Variants in FAM167A observed in about 807,000 individuals in gnomAD.
FAM167A encodes the protein protein FAM167A.
A neutral mutation model predicts 14.9 loss-of-function variants in FAM167A; 23 were observed. The observed-to-expected ratio is 1.55, with a 90% CI of 1.11 to 2.19. The LOEUF is 2.19. FAM167A is among the 30% of genes most tolerant of loss of function. The pLI, the probability that FAM167A is intolerant of heterozygous loss-of-function variation, is 0.00. For synonymous variants in FAM167A, 174 were observed against 117.7 expected, an observed-to-expected ratio of 1.48 and a Z score of -3.10; for missense variants, 401 against 281.5, an observed-to-expected ratio of 1.42 and a Z score of -3.04.
upstream of FAM167A, among the ~76,000 whole-genome samples, chr8:11,470,817 T>C (rs1807937764): frequency 6.6e-6 from 1 of 152,102 alleles, no homozygotes; most frequent in Non-Finnish European, 1.5e-5. Flanking sequence ...GTGAAGGGAC[T>C]TGTCCATCCG....
intron 1 of FAM167A, among the ~76,000 whole-genome samples, chr8:11,449,980 C>T (rs560703028): frequency 1.3e-5 from 2 of 152,344 alleles, no homozygotes; most frequent in East Asian, 3.9e-4. Flanking sequence ...CTGACCCATC[C>T]CCTCCACACC....
chr8:11,435,212 C>T (rs538340090), intron 2 of FAM167A: 3 of 435,830 alleles, frequency 6.9e-6, no homozygotes, highest in African/African-American at 6.0e-5. Context: ...CCCCTGTGGT[C>T]CCTTCTCCAC....
chr8:11,438,325 A>G (rs1806183759), intron 2 of FAM167A: 8 of 414,612 alleles, frequency 1.9e-5, no homozygotes, highest in South Asian at 1.4e-4. Flanking sequence ...CTCCCTGGCC[A>G]GCAGCCCCAA....
At chr8:11,457,947 G>A (rs1018630155) in intron 1 of FAM167A, among the ~76,000 whole-genome samples, 2 of 152,210 alleles carry the variant, frequency 1.3e-5, no homozygotes, top group African/African-American at 4.8e-5. Flanking sequence ...GCAGGACACT[G>A]CTGCACCTTT....
chr8:11,471,447 C>T (rs545488331), upstream of FAM167A, among the ~76,000 whole-genome samples: 8 of 152,082 alleles, frequency 5.3e-5, no homozygotes, highest in African/African-American at 1.7e-4. Context: ...GGTGATGAGG[C>T]CCCCCGCATG....
intron 1 of FAM167A, among the ~76,000 whole-genome samples, chr8:11,460,652 A>C (rs1161724034): frequency 1.3e-5 from 2 of 152,138 alleles, no homozygotes; most frequent in Admixed American, 1.3e-4. Context: ...TGCATTTGCA[A>C]ATTTTTTTCC....
chr8:11,462,080 T>C (rs1043962326), intron 1 of FAM167A, among the ~76,000 whole-genome samples: 3 of 152,228 alleles, frequency 2.0e-5, no homozygotes, highest in African/African-American at 7.2e-5. Flanking sequence ...ACATATGGCC[T>C]GAGTGCCCGC....
rs1208620174 is a variant in FAM167A, at chr8:11,422,476, G to C, written c.*1897C>G. On this transcript the variant is annotated 3_prime_UTR_variant, in exon 3 of 3. Transcript: ENST00000284486. ...GGAAAGGAATGCGTCTTCAGGACTTGGCAGTGTTTGTGCAGAGCTCTGAGG... is the reference window on the plus strand; with the variant it reads ...GGAAAGGAATGCGTCTTCAGGACTTCGCAGTGTTTGTGCAGAGCTCTGAGG... The C allele has an allele frequency of 2.0e-5, 3 of 152,540 alleles. No individual in the cohort carries two copies. Among genetic ancestry groups the C allele is most frequent in the African/African-American group, 7.3e-5 (3 of 41,348 alleles). 9.4% of individuals were successfully genotyped at this position (152,540 alleles called of 1,614,324 possible). A position where few individuals can be genotyped will look rare whatever the true frequency, so the allele number is the denominator to read the frequency against.
At position 11,422,084 on chromosome 8, in the gene FAM167A, C is replaced by G. The variant is rs186226992; in HGVS notation, c.*2289G>C. 8.6e-5 allele frequency: 30 copies of G among 348,090 alleles called. No homozygotes were observed. Among genetic ancestry groups the G allele is most frequent in the African/African-American group, 5.9e-4 (28 of 47,592 alleles). 21.6% of individuals were successfully genotyped at this position (348,090 alleles called of 1,614,324 possible). A position where few individuals can be genotyped will look rare whatever the true frequency, so the allele number is the denominator to read the frequency against. ...ATAGCTCAGACATTTAACTTATCCC[C>G]AAACATGTGTCTTGATCTTAGTTTC... is the stretch of plus-strand genomic sequence containing the variant. On this transcript the variant is annotated 3_prime_UTR_variant, in exon 3 of 3. Coordinates refer to ENST00000284486, the MANE Select transcript of FAM167A (RefSeq NM_053279.3).
At chr8:11,461,357 G>A (rs1807530239) in intron 1 of FAM167A, among the ~76,000 whole-genome samples, 1 of 152,274 alleles carries the variant, frequency 6.6e-6, no homozygotes. Context: ...CGCTCGACAA[G>A]GCAGGGATGC....
At chr8:11,470,931 T>C (rs1283142123), upstream of FAM167A, among the ~76,000 whole-genome samples, 1 of 152,198 alleles carries the variant, frequency 6.6e-6, no homozygotes, top group Non-Finnish European at 1.5e-5. Context: ...TGATTCAGGC[T>C]GAAGTTCAGA....
intron 2 of FAM167A, among the ~76,000 whole-genome samples, chr8:11,443,224 G>T (rs1005715394): frequency 1.3e-5 from 2 of 151,980 alleles, no homozygotes; most frequent in African/African-American, 2.4e-5. Flanking sequence ...ATTCTCCCCT[G>T]GGGGGGTGGA....
chr8:11,449,486 C>A (rs970932661), intron 1 of FAM167A, among the ~76,000 whole-genome samples: 7 of 152,278 alleles, frequency 4.6e-5, no homozygotes, highest in South Asian at 4.2e-4. Context: ...AAGAGCCCCC[C>A]AACACTCTAA....
chr8:11,443,253 C>T (rs1030100437), intron 2 of FAM167A, among the ~76,000 whole-genome samples: 1 of 152,236 alleles, frequency 6.6e-6, no homozygotes, highest in Non-Finnish European at 1.5e-5. Flanking sequence ...GGGCACCCAG[C>T]TCTGCCCCCC....
chr8:11,428,141 A>G (rs968745224), intron 2 of FAM167A, among the ~76,000 whole-genome samples: 8 of 152,230 alleles, frequency 5.3e-5, no homozygotes, highest in African/African-American at 9.6e-5. Context: ...CTTTGGCCCC[A>G]GGAATTGCAT....
rs896529436 is a variant in FAM167A at position 11,464,340 on chromosome 8, C to T, written c.-398+2286G>A. Among the ~76,000 whole-genome samples the T allele has an allele frequency of 3.3e-5, 5 of 152,298 alleles. No individual in the cohort carries two copies. The South Asian group carries it at 1.0e-3, about 32-fold the overall frequency. ...CGGCCTACCTGACTCATCCTGGCAA[C>T]ACGGCCCTCGGTGGCAGCTCAGACT... On this transcript the variant is annotated intron_variant, in intron 1 of 2. Transcript: ENST00000284486.
chr8:11,435,772 T>C (rs1264756192), intron 2 of FAM167A, among the ~76,000 whole-genome samples: 1 of 152,232 alleles, frequency 6.6e-6, no homozygotes, highest in African/African-American at 2.4e-5. Context: ...TACATGAGCA[T>C]AATAGTACCC....
chr8:11,467,049 G>A (rs1162216200), upstream of FAM167A, among the ~76,000 whole-genome samples: 1 of 152,216 alleles, frequency 6.6e-6, no homozygotes, highest in Non-Finnish European at 1.5e-5. Context: ...TTGTGGCAAC[G>A]TGACTGCGCC....
At chr8:11,425,812 C>A (rs1805100713) in intron 2 of FAM167A, among the ~76,000 whole-genome samples, 2 of 151,946 alleles carry the variant, frequency 1.3e-5, no homozygotes, top group South Asian at 2.1e-4. Flanking sequence ...GGTAGCAAAC[C>A]CTGAAGAAAA....
Sources: allele counts gnomAD v4.1 joint callset (sites outside exome capture counted in the v4.1 genomes callset), GRCh38; gene constraint gnomAD v4.1.1; transcripts MANE v1.5; gene names NCBI Gene and HGNC (gene_info 2026-07-23, HGNC 2026-07-21).